The following MALRD1 variants were observed in gnomAD, a reference collection of about 807,000 sequenced individuals.
MALRD1 encodes MAM and LDL-receptor class A domain-containing protein 1.
In MALRD1, 247 loss-of-function variants were observed where a neutral mutation model predicts 242.1. The observed-to-expected ratio is 1.02, with a 90% confidence interval of 0.92 to 1.13. The LOEUF is 1.13. Among genes scored for constraint, MALRD1 ranks in the 50% most tolerant of loss-of-function variants. The probability of loss-of-function intolerance (pLI) is 0.00; values close to 1 mark genes in which losing one functional copy is unlikely to be tolerated. For missense variants in MALRD1, 2,989 were observed against 2,533.1 expected (o/e 1.18, Z -3.86); for synonymous variants, 995 against 866.6 (o/e 1.15, Z -2.60).
chr10:19,181,369 A>T (rs1274465255), intron 14 of MALRD1, among the ~76,000 whole-genome samples: 1 of 152,226 alleles, frequency 6.6e-6, no homozygotes, highest in Non-Finnish European at 1.5e-5. Flanking sequence ...GTGGAATATT[A>T]TTCAGCCTTA....
chr10:19,369,647 A>T (rs201728213), intron 26 of MALRD1, among the ~76,000 whole-genome samples: 148,623 of 150,378 alleles, frequency 0.99, 73,573 homozygotes, highest in Middle Eastern at 1. Flanking sequence ...ATATTTAAAA[A>T]AAATACATAT....
intron 38 of MALRD1, among the ~76,000 whole-genome samples, chr10:19,721,354 G>A (rs1834741514): frequency 6.6e-6 from 1 of 152,092 alleles, no homozygotes; most frequent in African/African-American, 2.4e-5. Flanking sequence ...AGTAGGGAGA[G>A]GAGAATTAGG....
At chr10:19,464,188 C>T (rs10764023) in intron 29 of MALRD1, among the ~76,000 whole-genome samples, 51,674 of 152,004 alleles carry the variant, frequency 0.34, 8,827 homozygotes, top group East Asian at 0.45. Context: ...GCTCACTGTT[C>T]CTTTTGCTAT....
chr10:19,312,481 A>ACCC (rs1842475967), intron 21 of MALRD1, among the ~76,000 whole-genome samples: 1 of 150,372 alleles, frequency 6.7e-6, no homozygotes, highest in African/African-American at 2.4e-5. Flanking sequence ...CAGAGGTATA[A>ACCC]GGGATTAAAA....
chr10:19,261,929 G>T (rs945393980), intron 19 of MALRD1, among the ~76,000 whole-genome samples: 13 of 151,908 alleles, frequency 8.6e-5, no homozygotes, highest in Admixed American at 2.0e-4. Context: ...CGGACCTGCT[G>T]TTTTTTCCAT....
At chr10:19,275,529 C>A (rs949013135) in intron 19 of MALRD1, among the ~76,000 whole-genome samples, 1 of 151,998 alleles carries the variant, frequency 6.6e-6, no homozygotes, top group Non-Finnish European at 1.5e-5. Flanking sequence ...ATTAGCCTGG[C>A]GTGGTGGCGG....
intron 26 of MALRD1, among the ~76,000 whole-genome samples, chr10:19,367,163 A>G (rs991571240): frequency 3.3e-5 from 5 of 152,038 alleles, no homozygotes; most frequent in Admixed American, 1.3e-4. Context: ...GTAATATATT[A>G]TTGTTAGCTA....
intron 36 of MALRD1, among the ~76,000 whole-genome samples, chr10:19,655,191 G>T (rs1221760340): frequency 6.6e-6 from 1 of 152,026 alleles, no homozygotes; most frequent in Non-Finnish European, 1.5e-5. Context: ...TGTTGTTGTT[G>T]TTGTTGTTCT....
At chr10:19,589,125 T>C (rs745690505) in intron 33 of MALRD1, among the ~76,000 whole-genome samples, 18 of 152,142 alleles carry the variant, frequency 1.2e-4, no homozygotes, top group Non-Finnish European at 2.2e-4. Context: ...AAGAGAAAAG[T>C]ATCACATACA....
chr10:19,166,581 T>C (rs1588639569), intron 13 of MALRD1, among the ~76,000 whole-genome samples: 1 of 152,122 alleles, frequency 6.6e-6, no homozygotes, highest in East Asian at 1.9e-4. Context: ...AGATTTGGAG[T>C]GTTCCCAACA....
intron 33 of MALRD1, among the ~76,000 whole-genome samples, chr10:19,592,766 C>CGT (rs1837880364): frequency 2.6e-4 from 10 of 38,894 alleles, no homozygotes; most frequent in African/African-American, 6.3e-4. Context: ...CACACACGCA[C>CGT]GCACACACAC....
At chr10:19,389,419 T>C in intron 27 of MALRD1, 33 bp from the exon 28 acceptor site, 2 of 1,544,172 alleles carry the variant, frequency 1.3e-6, no homozygotes, top group Non-Finnish European at 1.8e-6. Context: ...CATTGTTATT[T>C]CGTTCTTCTC....
At chr10:19,231,612 C>T (rs953970816) in intron 18 of MALRD1, among the ~76,000 whole-genome samples, 4 of 152,114 alleles carry the variant, frequency 2.6e-5, no homozygotes, top group African/African-American at 9.7e-5. Flanking sequence ...GGGAGTTTCC[C>T]TACACAAGCT....
At chr10:19,471,331 T>C (rs1476662932) in intron 29 of MALRD1, among the ~76,000 whole-genome samples, 1 of 151,894 alleles carries the variant, frequency 6.6e-6, no homozygotes, top group East Asian at 1.9e-4. Context: ...TTTTCATTAC[T>C]GTGGCTTTGT....
At chr10:19,354,295 T>C (rs1349239749) in intron 26 of MALRD1, among the ~76,000 whole-genome samples, 1 of 152,180 alleles carries the variant, frequency 6.6e-6, no homozygotes, top group South Asian at 2.1e-4. Flanking sequence ...TGAGGGTGTG[T>C]ATTAAAATTT....
intron 2 of MALRD1, among the ~76,000 whole-genome samples, chr10:19,073,765 C>T (rs1420900817): frequency 1.3e-5 from 2 of 152,060 alleles, no homozygotes; most frequent in African/African-American, 4.8e-5. Context: ...TATTAAGTTA[C>T]AGGCTATATA....
At chr10:19,272,004 T>C (rs902794255) in intron 19 of MALRD1, among the ~76,000 whole-genome samples, 1 of 152,106 alleles carries the variant, frequency 6.6e-6, no homozygotes. Flanking sequence ...GTAATAAAAA[T>C]TTATACATTT....
chr10:19,387,687 A>G lies in MALRD1; in HGVS notation c.4601A>G (p.Gln1534Arg). 1.9e-6 allele frequency: 3 copies of G among 1,550,420 alleles called. No individual in the cohort carries two copies. In the Admixed American group the frequency reaches 5.9e-5, roughly 30 times the overall value. Residue 1534 changes from glutamine to arginine, a missense_variant, in exon 27 of 40, where the codon CAG becomes CGG. Coordinates refer to ENST00000454679, the MANE Select transcript of MALRD1 (RefSeq NM_001142308.3). ...EKGWCGWQNS[Q>R]ADNFDWVLGV... Reference sequence around the variant, plus strand: ...GGCTGGTGTGGCTGGCAAAACTCCCAGGCTGACAACTTTGATTGGGTTTTA... The same window carrying G: ...GGCTGGTGTGGCTGGCAAAACTCCCGGGCTGACAACTTTGATTGGGTTTTA...
rs181121590 is a variant in MALRD1 at position 19,515,717 on chromosome 10, G to A, written c.5321-15477G>A. Among the ~76,000 whole-genome samples, 258 of 151,976 alleles carry A rather than the reference G, an allele frequency of 1.7e-3. 2 individuals carry two copies. Among genetic ancestry groups the A allele is most frequent in the African/African-American group, 5.8e-3 (242 of 41,468 alleles). ...TGGGACTACAGGCACCCGCTACAACGCCTGGCTAATTTTTTTTCTTTTTTG... is the reference window on the plus strand; with the variant it reads ...TGGGACTACAGGCACCCGCTACAACACCTGGCTAATTTTTTTTCTTTTTTG... On this transcript the variant is annotated intron_variant, in intron 31 of 39. Coordinates refer to ENST00000454679, the MANE Select transcript of MALRD1 (RefSeq NM_001142308.3).
Sources: allele counts gnomAD v4.1 joint callset (sites outside exome capture counted in the v4.1 genomes callset), GRCh38; gene constraint gnomAD v4.1.1; transcripts MANE v1.5; gene names NCBI Gene and HGNC (gene_info 2026-07-23, HGNC 2026-07-21).